SOX5: variants seen among roughly 807,000 people sequenced by gnomAD.
SOX5 encodes the protein transcription factor SOX-5.
In SOX5, 9 loss-of-function variants were observed where a neutral mutation model predicts 92.0. That is an observed-to-expected ratio of 0.10 (90% CI 0.06 to 0.17). The LOEUF (loss-of-function observed/expected upper bound fraction) is 0.17. Ranked by LOEUF, SOX5 falls within the 10% of genes least tolerant of loss-of-function variation. The pLI, the probability that SOX5 is intolerant of heterozygous loss-of-function variation, is 1.00. For missense variants in SOX5, 642 were observed against 944.5 expected, an observed-to-expected ratio of 0.68 and a Z score of 4.20; for synonymous variants, 344 against 336.3, an observed-to-expected ratio of 1.02 and a Z score of -0.25.
intron 4 of SOX5, among the ~76,000 whole-genome samples, chr12:24,202,253 T>C (rs530586236): frequency 2.0e-5 from 3 of 152,344 alleles, no homozygotes; most frequent in East Asian, 3.9e-4. Flanking sequence ...TCTATTGAAG[T>C]CATCCTTTTA....
chr12:24,471,350 C>T (rs1944800662), intron 1 of SOX5, among the ~76,000 whole-genome samples: 1 of 152,048 alleles, frequency 6.6e-6, no homozygotes, highest in Admixed American at 6.6e-5. Flanking sequence ...TGTCTAAATA[C>T]TCAATATAAA....
intron 3 of SOX5, among the ~76,000 whole-genome samples, chr12:24,221,779 G>C (rs1960502106): frequency 1.3e-5 from 2 of 152,230 alleles, no homozygotes; most frequent in African/African-American, 4.8e-5. Flanking sequence ...ACAAGAATCT[G>C]AGAGCAGGAT....
intron 1 of SOX5, among the ~76,000 whole-genome samples, chr12:24,440,039 A>G (rs1359121831): frequency 2.6e-5 from 4 of 152,224 alleles, no homozygotes; most frequent in Non-Finnish European, 2.9e-5. Flanking sequence ...GGCAATTTAA[A>G]ATTCTAGTCA....
At chr12:23,590,415 C>T (rs1951368342) in intron 9 of SOX5, among the ~76,000 whole-genome samples, 1 of 151,942 alleles carries the variant, frequency 6.6e-6, no homozygotes. Context: ...CTCCAAAATT[C>T]AGATAAAATC....
intron 2 of SOX5, among the ~76,000 whole-genome samples, chr12:24,320,555 T>C (rs1483005989): frequency 2.0e-5 from 3 of 152,180 alleles, no homozygotes; most frequent in Non-Finnish European, 4.4e-5. Flanking sequence ...GAGCACATTT[T>C]GAAGATGCTT....
At chr12:24,462,633 T>C (rs537816279) in intron 1 of SOX5, among the ~76,000 whole-genome samples, 2 of 152,324 alleles carry the variant, frequency 1.3e-5, no homozygotes, top group African/African-American at 4.8e-5. Flanking sequence ...ATTCTGTGTA[T>C]AAAATTTGAT....
chr12:23,942,707 T>A (rs1426971064), intron 1 of SOX5, among the ~76,000 whole-genome samples: 1 of 151,168 alleles, frequency 6.6e-6, no homozygotes, highest in Non-Finnish European at 1.5e-5. Context: ...TCTTCTCTAT[T>A]ACACTTACTC....
At chr12:24,223,290 G>T (rs918929353) in intron 3 of SOX5, 1 of 152,174 alleles carries the variant, frequency 6.6e-6, no homozygotes, top group Non-Finnish European at 1.5e-5. Flanking sequence ...GAACAGCAAT[G>T]CTCATCACAT....
intron 4 of SOX5, among the ~76,000 whole-genome samples, chr12:24,136,060 C>A (rs927795193): frequency 2.6e-5 from 4 of 151,866 alleles, no homozygotes; most frequent in Non-Finnish European, 5.9e-5. Flanking sequence ...TTAAATAGTC[C>A]CAAAGAGATG....
intron 1 of SOX5, among the ~76,000 whole-genome samples, chr12:24,423,111 A>T (rs1596479640): frequency 6.6e-6 from 1 of 152,346 alleles, no homozygotes; most frequent in East Asian, 1.9e-4. Context: ...TATCAGAAGA[A>T]ATCTGCACTC....
intron 2 of SOX5, among the ~76,000 whole-genome samples, chr12:24,359,571 T>A (rs934334220): frequency 2.0e-5 from 3 of 152,246 alleles, no homozygotes; most frequent in Non-Finnish European, 4.4e-5. Flanking sequence ...GGAAGAGATC[T>A]GAATAATTCA....
chr12:24,086,904 T>A (rs1316495282), intron 4 of SOX5, among the ~76,000 whole-genome samples: 3 of 152,144 alleles, frequency 2.0e-5, no homozygotes, highest in African/African-American at 7.2e-5. Flanking sequence ...TCGAATAATC[T>A]TTAAATTTGT....
chr12:24,275,046 G>GA (rs60193269), intron 3 of SOX5, among the ~76,000 whole-genome samples: 118,354 of 151,600 alleles, frequency 0.78, 46,296 homozygotes, highest in East Asian at 0.9. Flanking sequence ...CCGACTTTGG[G>GA]AAAAAGTAAC....
At chr12:24,171,254 C>T (rs968938067) in intron 4 of SOX5, among the ~76,000 whole-genome samples, 13 of 123,286 alleles carry the variant, frequency 1.1e-4, no homozygotes, top group South Asian at 8.1e-4. Context: ...GACAGAGTCT[C>T]GCTCTGTCAC....
At chr12:23,972,548 A>AGG (rs1948460886) in intron 4 of SOX5, among the ~76,000 whole-genome samples, 1 of 151,954 alleles carries the variant, frequency 6.6e-6, no homozygotes, top group Non-Finnish European at 1.5e-5. Context: ...CAGTAGAGAC[A>AGG]GGGTTTTTTT....
At chr12:23,839,611 C>T (rs889671591) in intron 3 of SOX5, among the ~76,000 whole-genome samples, 1 of 151,912 alleles carries the variant, frequency 6.6e-6, no homozygotes, top group African/African-American at 2.4e-5. Context: ...TGATCAAATC[C>T]AACAATCTAT....
At chr12:24,010,452 G>A (rs2136514399) in intron 4 of SOX5, among the ~76,000 whole-genome samples, 1 of 152,316 alleles carries the variant, frequency 6.6e-6, no homozygotes, top group South Asian at 2.1e-4. Flanking sequence ...TAAGAAAAAT[G>A]TTATATAGGT....
intron 2 of SOX5, among the ~76,000 whole-genome samples, chr12:24,305,362 G>A (rs1375515357): frequency 6.6e-6 from 1 of 152,186 alleles, no homozygotes; most frequent in Non-Finnish European, 1.5e-5. Flanking sequence ...GACAGTGATG[G>A]TGATTCTGTT....
At chr12:23,620,272 G>A (rs1356669353) in intron 8 of SOX5, among the ~76,000 whole-genome samples, 1 of 152,140 alleles carries the variant, frequency 6.6e-6, no homozygotes, top group Non-Finnish European at 1.5e-5. Flanking sequence ...TACAAAGGTA[G>A]ATGGGAATAT....
Sources: gnomAD v4.1 joint callset for allele counts (sites outside exome capture counted in the v4.1 genomes callset) on GRCh38, gnomAD v4.1.1 for gene constraint, MANE v1.5 for transcripts, NCBI Gene and HGNC (gene_info 2026-07-23, HGNC 2026-07-21) for gene names.